Variants in GSTCD observed in about 807,000 individuals in gnomAD.
GSTCD encodes the protein glutathione S-transferase C-terminal domain-containing protein.
In GSTCD, 44 loss-of-function variants were observed where a neutral mutation model predicts 68.3. The ratio of observed to expected loss-of-function variants is 0.64; its 90% CI spans 0.51 to 0.83. The LOEUF is 0.83. GSTCD is among the 40% of genes least tolerant of loss of function. GSTCD has a pLI of 0.00. For missense variants in GSTCD, 739 were observed against 735.9 expected, an observed-to-expected ratio of 1.00 and a Z score of -0.05; for synonymous variants, 273 against 255.2, an observed-to-expected ratio of 1.07 and a Z score of -0.67.
At chr4:105,824,857 G>C (rs1407417583) in intron 7 of GSTCD, among the ~76,000 whole-genome samples, 1 of 151,964 alleles carries the variant, frequency 6.6e-6, no homozygotes, top group Non-Finnish European at 1.5e-5. Context: ...CTTCAAACAT[G>C]CCATATTCTT....
intron 1 of GSTCD, among the ~76,000 whole-genome samples, chr4:105,716,922 G>T (rs1224448941): frequency 6.6e-6 from 1 of 152,110 alleles, no homozygotes; most frequent in East Asian, 1.9e-4. Flanking sequence ...TGGAGGGTTT[G>T]GTTATGGGGG....
rs11284718 is a variant in GSTCD at position 105,767,932 on chromosome 4, G to T, written c.1240+38433G>T. Among the ~76,000 whole-genome samples, 43 of 6,914 alleles carry T rather than the reference G, an allele frequency of 6.2e-3. No individual in the cohort carries two copies. In the East Asian group the frequency reaches 0.23, roughly 37 times the overall value. 4.5% of individuals were successfully genotyped at this position (6,914 alleles called of 152,430 possible). On this transcript the variant is annotated intron_variant, in intron 5 of 11. Transcript: ENST00000515279. ...AAGTGTCATCTTGAGAAAATGATGT[G>T]TTTTTTTTCATGAAAGAATTCTAGT...
chr4:105,789,599 A>G (rs1461796130), intron 5 of GSTCD, among the ~76,000 whole-genome samples: 1 of 151,998 alleles, frequency 6.6e-6, no homozygotes, highest in Non-Finnish European at 1.5e-5. Flanking sequence ...CTTCCCTCAG[A>G]GTGTGCCATG....
intron 5 of GSTCD, among the ~76,000 whole-genome samples, chr4:105,810,226 A>G (rs960641782): frequency 6.6e-6 from 1 of 152,086 alleles, no homozygotes; most frequent in African/African-American, 2.4e-5. Context: ...TAACTCACCA[A>G]CATCGCCCTG....
chr4:105,710,137 A>G (rs138606174), intron 1 of GSTCD, among the ~76,000 whole-genome samples: 115 of 150,500 alleles, frequency 7.6e-4, no homozygotes, highest in Non-Finnish European at 1.4e-3. Flanking sequence ...GAGAATCATC[A>G]TTTCTTTTTA....
At chr4:105,761,294 A>G in intron 5 of GSTCD, 1 of 162,536 alleles carries the variant, frequency 6.2e-6, no homozygotes, top group Non-Finnish European at 1.3e-5. Flanking sequence ...TTCAGCCACC[A>G]CTCGGACTCA....
At chr4:105,788,427 C>A (rs369112611) in intron 5 of GSTCD, among the ~76,000 whole-genome samples, 5 of 152,032 alleles carry the variant, frequency 3.3e-5, no homozygotes, top group African/African-American at 1.2e-4. Flanking sequence ...CTATGTTGTT[C>A]TGTTTTCTCT....
intron 5 of GSTCD, among the ~76,000 whole-genome samples, chr4:105,746,731 A>G (rs945842854): frequency 2.0e-5 from 3 of 152,216 alleles, no homozygotes; most frequent in Admixed American, 1.3e-4. Flanking sequence ...GTAAAGGCTT[A>G]TCCTTATGAG....
intron 5 of GSTCD, among the ~76,000 whole-genome samples, chr4:105,820,831 C>T (rs1487131753): frequency 1.3e-5 from 2 of 151,448 alleles, no homozygotes; most frequent in Non-Finnish European, 3.0e-5. Flanking sequence ...TCTCTATCAG[C>T]ATTTGCTTTT....
chr4:105,772,244 C>G (rs994666013), intron 5 of GSTCD, among the ~76,000 whole-genome samples: 1 of 152,156 alleles, frequency 6.6e-6, no homozygotes, highest in African/African-American at 2.4e-5. Context: ...TGCTTATCAG[C>G]TTAAGGAGTT....
At chr4:105,747,332 C>A (rs1341639769) in intron 5 of GSTCD, among the ~76,000 whole-genome samples, 4 of 152,242 alleles carry the variant, frequency 2.6e-5, no homozygotes, top group Admixed American at 6.5e-5. Context: ...CTATCAGAAT[C>A]ATTTGGAAGG....
chr4:105,830,499 T>G (rs1723851438), intron 8 of GSTCD, among the ~76,000 whole-genome samples: 1 of 152,114 alleles, frequency 6.6e-6, no homozygotes, highest in Admixed American at 6.5e-5. Context: ...GATAATGTGC[T>G]TCATTAAAAT....
intron 11 of GSTCD, chr4:105,843,342 CT>C: frequency 6.6e-6 from 1 of 152,420 alleles, no homozygotes; most frequent in Non-Finnish European, 1.5e-5. Context: ...CTTGCTCCTC[CT>C]TTTCCCATCT....
Position 105,841,305 on chromosome 4 carries a change from C to T in GSTCD, c.1696-760C>T, listed in dbSNP as rs1475853613. ...TGCCACTGCACTGGAGCCTGGACAA[C>T]AGAGCAAAACTCCGTCTCAAAAAAA... is the stretch of plus-strand genomic sequence containing the variant. On this transcript the variant is annotated intron_variant, in intron 10 of 11. Transcript: ENST00000515279. Among the ~76,000 whole-genome samples, 3 of 150,106 alleles carry T rather than the reference C, an allele frequency of 2.0e-5. No individual in the cohort carries two copies. The East Asian group carries it at 5.9e-4, about 29-fold the overall frequency.
intron 4 of GSTCD, among the ~76,000 whole-genome samples, chr4:105,728,229 C>G (rs1474643684): frequency 1.3e-5 from 2 of 151,940 alleles, no homozygotes. Flanking sequence ...AATGATTGAA[C>G]AATTGTGAAT....
chr4:105,840,093 G>C, intron 10 of GSTCD: 1 of 396,912 alleles, frequency 2.5e-6, no homozygotes, highest in South Asian at 1.9e-5. Flanking sequence ...CATGTGCCTT[G>C]CCCTTTCAGA....
chr4:105,755,196 A>ATGAT (rs1362104155), intron 5 of GSTCD, among the ~76,000 whole-genome samples: 1 of 151,648 alleles, frequency 6.6e-6, no homozygotes, highest in Non-Finnish European at 1.5e-5. Flanking sequence ...GCAGTGGGCC[A>ATGAT]TGATCACACC....
intron 5 of GSTCD, among the ~76,000 whole-genome samples, chr4:105,732,235 G>T (rs559029201): frequency 2.0e-4 from 31 of 152,170 alleles, no homozygotes; most frequent in African/African-American, 5.1e-4. Flanking sequence ...TCCCTCTTTT[G>T]CTATTGATTG....
chr4:105,713,723 GCTC>G (rs1334376101), intron 1 of GSTCD, among the ~76,000 whole-genome samples: 1 of 152,022 alleles, frequency 6.6e-6, no homozygotes, highest in South Asian at 2.1e-4. Flanking sequence ...CATTTGTTGA[GCTC>G]CTATCAAATT....
Sources: allele counts gnomAD v4.1 joint callset (sites outside exome capture counted in the v4.1 genomes callset), GRCh38; gene constraint gnomAD v4.1.1; transcripts MANE v1.5; gene names NCBI Gene and HGNC (gene_info 2026-07-23, HGNC 2026-07-21).